CDH13: variants seen among roughly 807,000 people sequenced by gnomAD.
CDH13 encodes the protein cadherin-13.
A neutral mutation model predicts 63.8 loss-of-function variants in CDH13; 24 were observed. The observed-to-expected ratio is 0.38, with a 90% CI of 0.27 to 0.53. CDH13 has a LOEUF of 0.53. CDH13 is among the 20% of genes least tolerant of loss of function. The pLI, the probability that CDH13 is intolerant of heterozygous loss-of-function variation, is 0.85. For synonymous variants in CDH13, 503 were observed against 355.3 expected (o/e 1.42, Z -4.67); for missense variants, 1,049 against 903.1 (o/e 1.16, Z -2.07).
intron 1 of CDH13, among the ~76,000 whole-genome samples, chr16:82,802,995 C>G (rs1039570794): frequency 5.9e-5 from 9 of 152,218 alleles, no homozygotes; most frequent in Non-Finnish European, 1.3e-4. Context: ...ATGGATTCAT[C>G]CAACCCTGTT....
At chr16:83,294,890 C>G (rs1395201487) in intron 5 of CDH13, among the ~76,000 whole-genome samples, 1 of 151,980 alleles carries the variant, frequency 6.6e-6, no homozygotes, top group Non-Finnish European at 1.5e-5. Flanking sequence ...TCCTAAAAAT[C>G]ATATGAAACC....
intron 11 of CDH13, among the ~76,000 whole-genome samples, chr16:83,752,555 A>G (rs867438513): frequency 6.6e-6 from 1 of 152,222 alleles, no homozygotes; most frequent in African/African-American, 2.4e-5. Flanking sequence ...CTTACTAGCT[A>G]TCTGATTTTG....
At chr16:83,277,285 G>T (rs2089021705) in intron 5 of CDH13, among the ~76,000 whole-genome samples, 1 of 152,166 alleles carries the variant, frequency 6.6e-6, no homozygotes, top group African/African-American at 2.4e-5. Flanking sequence ...CCTTCTCAGG[G>T]CAGGCTGAAC....
intron 2 of CDH13, among the ~76,000 whole-genome samples, chr16:82,951,926 G>A (rs1039631275): frequency 6.6e-6 from 1 of 152,146 alleles, no homozygotes; most frequent in Admixed American, 6.5e-5. Flanking sequence ...GCATGTGTGT[G>A]TTTGTCATTT....
intron 10 of CDH13, among the ~76,000 whole-genome samples, chr16:83,744,199 T>G (rs1212704515): frequency 6.6e-6 from 1 of 152,056 alleles, no homozygotes; most frequent in Admixed American, 6.5e-5. Context: ...TAGAGTTTAG[T>G]GGAGATGGCA....
chr16:83,028,133 G>C (rs942475137), intron 2 of CDH13, among the ~76,000 whole-genome samples: 1 of 152,166 alleles, frequency 6.6e-6, no homozygotes, highest in African/African-American at 2.4e-5. Context: ...GTTAAGTCTG[G>C]AACCTCATGC....
chr16:83,698,597 T>C (rs1905740438), intron 10 of CDH13, among the ~76,000 whole-genome samples: 2 of 152,194 alleles, frequency 1.3e-5, no homozygotes, highest in Admixed American at 1.3e-4. Flanking sequence ...TTCTGCTTCT[T>C]GCTAACTCAC....
chr16:83,670,989 T>C lies in CDH13; in HGVS notation c.1284+17T>C. On this transcript the variant is annotated intron_variant, in intron 9 of 13. Transcript: ENST00000567109. ...GTTGTCAAAGTAAGGGTGCTTCCAA[T>C]TGCCTCTTTCTCCTCATGCGAGCAC... 1.3e-6 allele frequency: 2 copies of C among 1,567,370 alleles called. No individual in the cohort carries two copies. Among genetic ancestry groups the C allele is most frequent in the Non-Finnish European group, 1.7e-6 (2 of 1,154,360 alleles).
chr16:82,739,293 T>G (rs915830750), intron 1 of CDH13, among the ~76,000 whole-genome samples: 1 of 152,174 alleles, frequency 6.6e-6, no homozygotes, highest in African/African-American at 2.4e-5. Context: ...ACCACCTACT[T>G]TTAGATAAAG....
Position 83,798,046 on chromosome 16 carries a change from C to G in CDH13, c.*3016C>G, listed in dbSNP as rs1904291203. 6.6e-6 allele frequency: 1 copy of G among 152,154 alleles called. No homozygotes were observed. Among genetic ancestry groups the G allele is most frequent in the Non-Finnish European group, 1.5e-5 (1 of 68,032 alleles). 9.4% of individuals were successfully genotyped at this position (152,154 alleles called of 1,614,324 possible). On this transcript the variant is annotated 3_prime_UTR_variant, in exon 14 of 14. Coordinates refer to ENST00000567109, the MANE Select transcript of CDH13 (RefSeq NM_001257.5). Reference sequence around the variant, plus strand: ...AAGCATTATAACGAAATAAATCCAGCCAGATTTCATGGTAGGTATCAAATA... The same window carrying G: ...AAGCATTATAACGAAATAAATCCAGGCAGATTTCATGGTAGGTATCAAATA...
At chr16:82,718,971 C>T (rs183197458) in intron 1 of CDH13, among the ~76,000 whole-genome samples, 1 of 152,300 alleles carries the variant, frequency 6.6e-6, no homozygotes, top group East Asian at 1.9e-4. Context: ...TGCATGTGGT[C>T]CGTATCTGTT....
rs113157046 is a variant in CDH13 at position 83,644,718 on chromosome 16, A to G, written c.1102-26072A>G. Among the ~76,000 whole-genome samples the G allele has an allele frequency of 5.4e-3, 827 of 152,320 alleles. 6 individuals are homozygous for G. Among genetic ancestry groups the G allele is most frequent in the African/African-American group, 0.019 (804 of 41,562 alleles). On this transcript the variant is annotated intron_variant, in intron 8 of 13. Transcript: ENST00000567109. ...TACTCAAGCGCAGAGCAGAGGTGGAATTCTAGGCCTGTGAATGGTTCACAT... is the reference window on the plus strand; with the variant it reads ...TACTCAAGCGCAGAGCAGAGGTGGAGTTCTAGGCCTGTGAATGGTTCACAT...
At chr16:83,546,529 G>A (rs1379082252) in intron 7 of CDH13, among the ~76,000 whole-genome samples, 1 of 151,456 alleles carries the variant, frequency 6.6e-6, no homozygotes, top group Non-Finnish European at 1.5e-5. Flanking sequence ...AATCCATTTA[G>A]GAAATGCAAT....
chr16:83,652,369 C>T (rs182752780), intron 8 of CDH13, among the ~76,000 whole-genome samples: 1 of 152,186 alleles, frequency 6.6e-6, no homozygotes, highest in Non-Finnish European at 1.5e-5. Flanking sequence ...GTGTGTCAAT[C>T]TCCCTACAGC....
At chr16:82,979,620 T>C (rs1384000090) in intron 2 of CDH13, among the ~76,000 whole-genome samples, 1 of 152,184 alleles carries the variant, frequency 6.6e-6, no homozygotes, top group African/African-American at 2.4e-5. Context: ...TCCACCATGA[T>C]CATAGTTTCC....
In CDH13 at chr16:83,670,859, C is replaced by A. The variant is rs866702400; in HGVS notation, c.1171C>A (p.Pro391Thr). The A allele has an allele frequency of 6.2e-7, 1 of 1,613,744 alleles. No homozygotes were observed. Among genetic ancestry groups the A allele is most frequent in the Admixed American group, 1.7e-5 (1 of 59,984 alleles). ...VNLTVEDKDD[P>T]TTGAWRAAYT... ...TTTGACAGTTGAAGATAAGGATGAC[C>A]CCACCACAGGTGCATGGAGGGCTGC... The change falls in exon 9 of 14, where the codon CCC (proline) becomes ACC (threonine). Residue 391 changes from proline to threonine, a missense_variant. Coordinates refer to ENST00000567109, the MANE Select transcript of CDH13 (RefSeq NM_001257.5).
intron 1 of CDH13, among the ~76,000 whole-genome samples, chr16:82,649,188 C>G (rs769899575): frequency 3.3e-5 from 5 of 152,090 alleles, no homozygotes; most frequent in Non-Finnish European, 7.4e-5. Flanking sequence ...TTACAAATGA[C>G]ATAATAGAAG....
intron 6 of CDH13, chr16:83,397,229 G>C (rs1405152266): frequency 6.6e-6 from 1 of 152,048 alleles, no homozygotes; most frequent in Non-Finnish European, 1.5e-5. Flanking sequence ...TTCTCACTTT[G>C]ATTATGAGGG....
chr16:83,723,570 C>T (rs1909973130), intron 10 of CDH13, among the ~76,000 whole-genome samples: 1 of 152,224 alleles, frequency 6.6e-6, no homozygotes. Flanking sequence ...TTTCCCTGAT[C>T]ACCTTCGCTA....
Sources: allele counts gnomAD v4.1 joint callset (sites outside exome capture counted in the v4.1 genomes callset), GRCh38; gene constraint gnomAD v4.1.1; transcripts MANE v1.5; gene names NCBI Gene and HGNC (gene_info 2026-07-23, HGNC 2026-07-21).